STPG1: variants seen among roughly 807,000 people sequenced by gnomAD.
STPG1 encodes the protein sperm tail PG-rich repeat containing 1.
STPG1 carries 33 observed loss-of-function variants against 40.1 expected under a neutral mutation model. The observed-to-expected ratio is 0.82, with a 90% CI of 0.62 to 1.10. The LOEUF is 1.10. Among genes scored for constraint, STPG1 ranks in the 50% least tolerant of loss-of-function variants. The pLI, the probability that STPG1 is intolerant of heterozygous loss-of-function variation, is 0.00. For missense variants in STPG1, 396 were observed against 415.1 expected (o/e 0.95, Z 0.40); for synonymous variants, 150 against 155.0 (o/e 0.97, Z 0.24).
intron 1 of STPG1, among the ~76,000 whole-genome samples, chr1:24,411,035 G>A (rs1643602543): frequency 6.6e-6 from 1 of 152,080 alleles, no homozygotes; most frequent in Admixed American, 6.5e-5. Flanking sequence ...TTCCTCTTAG[G>A]CTGATCCATG....
intron 3 of STPG1, among the ~76,000 whole-genome samples, chr1:24,389,129 T>A (rs1480026544): frequency 6.6e-6 from 1 of 152,234 alleles, no homozygotes; most frequent in African/African-American, 2.4e-5. Flanking sequence ...CTCTATTCGA[T>A]GCTGCCTGTA....
intron 1 of STPG1, among the ~76,000 whole-genome samples, chr1:24,402,622 T>G (rs1163121309): frequency 6.6e-6 from 1 of 151,848 alleles, no homozygotes. Context: ...TTAGCCAGCC[T>G]GTAGTCCCAG....
chr1:24,402,097 TACC>T (rs1191009598), intron 1 of STPG1, among the ~76,000 whole-genome samples: 1 of 152,202 alleles, frequency 6.6e-6, no homozygotes, highest in Non-Finnish European at 1.5e-5. Flanking sequence ...CCAAGTTAAA[TACC>T]ACCACAATTA....
intron 5 of STPG1, among the ~76,000 whole-genome samples, chr1:24,376,531 C>A (rs34981649): frequency 0.1 from 15,338 of 152,194 alleles, 804 homozygotes; most frequent in Non-Finnish European, 0.12. Flanking sequence ...GGGAAGAGGT[C>A]CTTTCTAGAT....
At chr1:24,376,744 G>T (rs1339720547) in intron 5 of STPG1, among the ~76,000 whole-genome samples, 1 of 152,186 alleles carries the variant, frequency 6.6e-6, no homozygotes, top group African/African-American at 2.4e-5. Flanking sequence ...AGGGGCATCC[G>T]CACAGACAGT....
chr1:24,384,496 C>T lies in STPG1; in HGVS notation c.190-493G>A, dbSNP rs188480828. 2.0e-5 allele frequency among the ~76,000 whole-genome samples: 3 copies of T among 152,274 alleles called. No homozygotes were observed. In the East Asian group the frequency reaches 5.8e-4, roughly 29 times the overall value. On this transcript the variant is annotated intron_variant, in intron 3 of 8. Transcript: ENST00000337248. The stretch of plus-strand genomic sequence containing the variant: ...ATAAAGCAAAATGAAACAAAAACAA[C>T]CTTCAACCCAAACCAGGCCATTTCT...
chr1:24,396,513 T>C (rs1643013356), intron 2 of STPG1, among the ~76,000 whole-genome samples: 1 of 152,202 alleles, frequency 6.6e-6, no homozygotes, highest in Non-Finnish European at 1.5e-5. Flanking sequence ...CTATTTATTC[T>C]CTGTGGCAAC....
At chr1:24,397,964 A>G (rs1017283836) in intron 2 of STPG1, among the ~76,000 whole-genome samples, 1 of 152,160 alleles carries the variant, frequency 6.6e-6, no homozygotes, top group Non-Finnish European at 1.5e-5. Flanking sequence ...AATGCCTAGG[A>G]GTGGAATGAC....
chr1:24,371,816 C>T (rs553052989), intron 6 of STPG1, among the ~76,000 whole-genome samples: 1 of 152,236 alleles, frequency 6.6e-6, no homozygotes, highest in South Asian at 2.1e-4. Flanking sequence ...GAGAGCCAGC[C>T]GCCAGGAAGC....
At chr1:24,384,856 C>T (rs540979495) in intron 3 of STPG1, among the ~76,000 whole-genome samples, 7 of 152,280 alleles carry the variant, frequency 4.6e-5, no homozygotes, top group East Asian at 3.9e-4. Flanking sequence ...CACTAAGGCA[C>T]GTGGAGATGA....
intron 3 of STPG1, among the ~76,000 whole-genome samples, chr1:24,388,191 G>T (rs932614036): frequency 2.0e-5 from 3 of 152,114 alleles, no homozygotes; most frequent in Non-Finnish European, 4.4e-5. Context: ...TTTTTAGGAT[G>T]AGGAAACAGA....
chr1:24,404,172 C>T lies in STPG1; in HGVS notation c.-68-2716G>A, dbSNP rs138839260. Among the ~76,000 whole-genome samples the T allele has an allele frequency of 3.0e-4, 46 of 152,096 alleles. No homozygotes were observed. The East Asian group carries it at 3.5e-3, about 11-fold the overall frequency. On this transcript the variant is annotated intron_variant, in intron 1 of 8. Coordinates refer to ENST00000337248, the MANE Select transcript of STPG1 (RefSeq NM_001199013.2). ...GATCAATTTTATCAAATACTTTTTC[C>T]GCATCTATGGAGATGATCATACAAT... is the stretch of plus-strand genomic sequence containing the variant.
intron 5 of STPG1, among the ~76,000 whole-genome samples, chr1:24,374,114 G>A (rs775461505): frequency 7.2e-5 from 11 of 152,036 alleles, no homozygotes; most frequent in Admixed American, 3.3e-4. Context: ...GTGTGGCCCC[G>A]CATCAGTTCT....
intron 1 of STPG1, among the ~76,000 whole-genome samples, chr1:24,408,764 T>C (rs1643504464): frequency 6.6e-6 from 1 of 152,228 alleles, no homozygotes; most frequent in Admixed American, 6.5e-5. Context: ...TGGGTTTCAT[T>C]TTGCCCATTT....
intron 7 of STPG1, among the ~76,000 whole-genome samples, chr1:24,365,934 G>A (rs575281964): frequency 5.3e-5 from 8 of 152,264 alleles, no homozygotes; most frequent in East Asian, 1.9e-4. Flanking sequence ...TTCAGGGGAC[G>A]TGATCAGCCG....
Position 24,357,805 on chromosome 1 carries a change from T to C in STPG1, c.*738A>G, listed in dbSNP as rs568596992. 3.7e-6 allele frequency: 1 copy of C among 267,894 alleles called. No homozygotes were observed. The highest frequency in any genetic ancestry group is 4.7e-5 in the South Asian group (1 of 21,406). The allele number at this position is 267,894 out of a possible 1,614,324, so 16.6% of individuals were successfully genotyped here. ...AGCTATCAGGCCTAGACAGGCCATG[T>C]GGACTCCATGGAAGGGCCTGTAAGC... is the stretch of plus-strand genomic sequence containing the variant. On this transcript the variant is annotated 3_prime_UTR_variant, in exon 9 of 9. Coordinates refer to ENST00000337248, the MANE Select transcript of STPG1 (RefSeq NM_001199013.2).
At chr1:24,378,500 T>C (rs929572745) in intron 5 of STPG1, among the ~76,000 whole-genome samples, 1 of 152,048 alleles carries the variant, frequency 6.6e-6, no homozygotes, top group Admixed American at 6.5e-5. Context: ...CCGGGTGTGG[T>C]GGCGGGTGCC....
intron 7 of STPG1, among the ~76,000 whole-genome samples, chr1:24,364,853 C>T (rs1002694407): frequency 5.3e-5 from 8 of 152,322 alleles, no homozygotes; most frequent in African/African-American, 1.9e-4. Context: ...TTGGCCACAA[C>T]TGGATTAAGT....
rs544662565 is a variant in STPG1 at position 24,412,152 on chromosome 1, G to A, written c.-69+1522C>T. On this transcript the variant is annotated intron_variant, in intron 1 of 8. Coordinates refer to ENST00000337248, the MANE Select transcript of STPG1 (RefSeq NM_001199013.2). ...CATTTACCATGAGTCACAGTCAAAA[G>A]GTTTGAAAGCCACTGTTCTATATGA... 5.3e-5 allele frequency: 8 copies of A among 152,334 alleles called. No homozygotes were observed. In the South Asian group the frequency reaches 1.5e-3, roughly 28 times the overall value. 9.4% of individuals were successfully genotyped at this position (152,334 alleles called of 1,614,324 possible). A position where few individuals can be genotyped will look rare whatever the true frequency, so the allele number is the denominator to read the frequency against.
Sources: gnomAD v4.1 joint callset for allele counts (sites outside exome capture counted in the v4.1 genomes callset) on GRCh38, gnomAD v4.1.1 for gene constraint, MANE v1.5 for transcripts, NCBI Gene and HGNC (gene_info 2026-07-23, HGNC 2026-07-21) for gene names.